Variants in C4orf51 observed in about 807,000 individuals in gnomAD.
C4orf51 encodes chromosome 4 open reading frame 51.
A neutral mutation model predicts 25.2 loss-of-function variants in C4orf51; 25 were observed. The ratio of observed to expected loss-of-function variants is 0.99; its 90% CI spans 0.72 to 1.39. The LOEUF is 1.39. Ranked by LOEUF, C4orf51 falls within the 40% of genes most tolerant of loss-of-function variation. C4orf51 has a pLI of 0.00. For missense variants in C4orf51, 252 were observed against 239.6 expected (o/e 1.05, Z -0.34); for synonymous variants, 100 against 84.5 (o/e 1.18, Z -1.01).
intron 1 of C4orf51, among the ~76,000 whole-genome samples, chr4:145,768,301 A>T (rs1219232601): frequency 6.6e-6 from 1 of 152,112 alleles, no homozygotes; most frequent in Non-Finnish European, 1.5e-5. Context: ...AGTAGCTGGG[A>T]TTACAGGTGT....
chr4:145,720,409 A>C (rs1578985823), intron 2 of C4orf51, among the ~76,000 whole-genome samples: 1 of 152,112 alleles, frequency 6.6e-6, no homozygotes, highest in South Asian at 2.1e-4. Flanking sequence ...GATACCCAGG[A>C]GTGAAAACCC....
At chr4:145,734,124 T>C (rs996904533), downstream of C4orf51, among the ~76,000 whole-genome samples, 28 of 152,132 alleles carry the variant, frequency 1.8e-4, no homozygotes, top group Admixed American at 7.9e-4. Flanking sequence ...ACCAGCAACA[T>C]TGGTATGGTG....
At chr4:145,707,581 A>T (rs1269459980) in intron 2 of C4orf51, among the ~76,000 whole-genome samples, 3 of 152,236 alleles carry the variant, frequency 2.0e-5, no homozygotes, top group Non-Finnish European at 4.4e-5. Context: ...TAGAAAGATG[A>T]ATTCAGAGGT....
intron 2 of C4orf51, among the ~76,000 whole-genome samples, chr4:145,724,880 C>CAAAAAAAA (rs1222983724): frequency 9.4e-4 from 64 of 68,232 alleles, no homozygotes; most frequent in African/African-American, 1.8e-3. Flanking sequence ...AAGACTGTCT[C>CAAAAAAAA]AAAAAAAAAA....
chr4:145,717,737 T>C (rs1232110359), intron 2 of C4orf51, among the ~76,000 whole-genome samples: 2 of 152,262 alleles, frequency 1.3e-5, no homozygotes, highest in Non-Finnish European at 2.9e-5. Context: ...AGAGTTCAGT[T>C]GCATTTCTGC....
chr4:145,774,734 A>G (rs985076909), downstream of C4orf51: 1 of 1,551,814 alleles, frequency 6.4e-7, no homozygotes, highest in African/African-American at 1.3e-5. Flanking sequence ...TTCTAAATGT[A>G]GGCTGTCCAT....
chr4:145,731,884 G>A (rs1348621072), intron 5 of C4orf51, among the ~76,000 whole-genome samples: 6 of 152,012 alleles, frequency 3.9e-5, no homozygotes, highest in Admixed American at 6.6e-5. Flanking sequence ...GCCCGGCCGA[G>A]ACAAGGCAAA....
At chr4:145,776,724 C>T in the C4orf51 span, among the ~76,000 whole-genome samples, 1 of 152,054 alleles carries the variant, frequency 6.6e-6, no homozygotes, top group African/African-American at 2.4e-5. Context: ...TCATCATTTT[C>T]CCTAAGCTCC....
At chr4:145,718,983 C>T (rs764711911) in intron 2 of C4orf51, among the ~76,000 whole-genome samples, 4 of 152,172 alleles carry the variant, frequency 2.6e-5, no homozygotes, top group African/African-American at 9.7e-5. Flanking sequence ...ACATTCTCAG[C>T]GTCTTCATCT....
At chr4:145,687,232 G>A (rs1729221013) in intron 1 of C4orf51, among the ~76,000 whole-genome samples, 1 of 152,120 alleles carries the variant, frequency 6.6e-6, no homozygotes, top group South Asian at 2.1e-4. Context: ...TTACCTATCT[G>A]TGACCTGGAA....
intron 2 of C4orf51, among the ~76,000 whole-genome samples, chr4:145,720,302 G>A (rs1278878825): frequency 2.0e-5 from 3 of 152,166 alleles, no homozygotes; most frequent in Non-Finnish European, 4.4e-5. Context: ...TCCCAGCAGA[G>A]GAAACTTCCC....
intron 5 of C4orf51, 32 bp from the exon 6 acceptor site, chr4:145,732,421 C>G: frequency 7.2e-7 from 1 of 1,395,926 alleles, no homozygotes; most frequent in Non-Finnish European, 1.0e-6. Context: ...TGCGGATGAG[C>G]GAGTGTTGAC....
At chr4:145,706,727 G>A (rs1730831607) in intron 2 of C4orf51, among the ~76,000 whole-genome samples, 1 of 151,124 alleles carries the variant, frequency 6.6e-6, no homozygotes. Context: ...TGCAAGTTCC[G>A]CCTCCTCAGT....
Position 145,760,563 on chromosome 4 carries a change from T to C in C4orf51, n.167-10425T>C, listed in dbSNP as rs183375025. The C allele has an allele frequency of 3.6e-3, 601 of 167,164 alleles. 5 individuals carry two copies. Among genetic ancestry groups the C allele is most frequent in the Non-Finnish European group, 4.2e-3 (339 of 80,190 alleles). 10.4% of individuals were successfully genotyped at this position (167,164 alleles called of 1,614,324 possible). A position where few individuals can be genotyped will look rare whatever the true frequency, so the allele number is the denominator to read the frequency against. On this transcript the variant is annotated intron_variant and non_coding_transcript_variant, in intron 1 of 1. Transcript: ENST00000510096. ...ATGCAGTAGGTCACCTCTCTGAAGATTGGATAAAGCAGCTTTCAGGTCAAT... is the reference window on the plus strand; with the variant it reads ...ATGCAGTAGGTCACCTCTCTGAAGACTGGATAAAGCAGCTTTCAGGTCAAT...
the C4orf51 span, among the ~76,000 whole-genome samples, chr4:145,787,576 C>T: frequency 2.0e-5 from 3 of 151,824 alleles, no homozygotes; most frequent in Non-Finnish European, 4.4e-5. Context: ...CTTCTTTGGG[C>T]TCATTTCAAC....
rs867869521 is a variant in C4orf51, at chr4:145,693,022, T to G, written c.234-3537T>G. Among the ~76,000 whole-genome samples, 8 of 28,054 alleles carry G rather than the reference T, an allele frequency of 2.9e-4. No individual in the cohort carries two copies. The South Asian group carries it at 0.01, about 36-fold the overall frequency. The allele number at this position is 28,054 out of a possible 152,430, so 18.4% of individuals were successfully genotyped here. A position where few individuals can be genotyped will look rare whatever the true frequency, so the allele number is the denominator to read the frequency against. On this transcript the variant is annotated intron_variant, in intron 1 of 5. Transcript: ENST00000438731. ...AAATGAACAATTTTTCACCTGTTTT[T>G]TTTTTTTTTTTTATTAAATTTATTT...
At chr4:145,735,923 A>C (rs1732781507), downstream of C4orf51, among the ~76,000 whole-genome samples, 2 of 152,166 alleles carry the variant, frequency 1.3e-5, no homozygotes, top group African/African-American at 4.8e-5. Context: ...TTTATTTATG[A>C]TGTGACACTT....
At position 145,763,033 on chromosome 4, in the gene C4orf51, T is replaced by G; in HGVS notation, n.167-7955T>G. 6.8e-7 allele frequency: 1 copy of G among 1,473,572 alleles called. No individual in the cohort carries two copies. The highest frequency in any genetic ancestry group is 9.1e-7 in the Non-Finnish European group (1 of 1,095,742). 91.3% of individuals were successfully genotyped at this position (1,473,572 alleles called of 1,614,324 possible). ...CAGAAGAGTGCACACGAGAGAAATATAAAGCCCATTCCCAGGTCAGGTGCA... is the reference window on the plus strand; with the variant it reads ...CAGAAGAGTGCACACGAGAGAAATAGAAAGCCCATTCCCAGGTCAGGTGCA... On this transcript the variant is annotated intron_variant and non_coding_transcript_variant, in intron 1 of 1. Transcript: ENST00000510096. The surrounding 1 kb of genome is among the most constrained non-coding windows in gnomAD (Gnocchi z 4.6).
chr4:145,744,295 A>G (rs1254107436), intron 1 of C4orf51, among the ~76,000 whole-genome samples: 1 of 152,208 alleles, frequency 6.6e-6, no homozygotes, highest in Non-Finnish European at 1.5e-5. Context: ...GGGATAGGGA[A>G]TAATGATGAG....
Sources: allele counts gnomAD v4.1 joint callset (sites outside exome capture counted in the v4.1 genomes callset), GRCh38; gene constraint gnomAD v4.1.1; non-coding constraint Gnocchi (gnomAD v3.1); transcripts MANE v1.5; gene names NCBI Gene and HGNC (gene_info 2026-07-23, HGNC 2026-07-21).